LAMP2: variants seen among roughly 807,000 people sequenced by gnomAD.
LAMP2 encodes the protein lysosome associated membrane protein 2, also known as lysosome-associated membrane glycoprotein 2.
LAMP2 carries 4 observed loss-of-function variants against 25.6 expected under a neutral mutation model. The observed-to-expected ratio is 0.16, with a 90% CI of 0.08 to 0.36. LAMP2 has a LOEUF of 0.36. Among genes scored for constraint, LAMP2 ranks in the 10% least tolerant of loss-of-function variants. The pLI is 1.00. For synonymous variants in LAMP2, 108 were observed against 112.7 expected (o/e 0.96, Z 0.27); for missense variants, 272 against 301.4 (o/e 0.90, Z 0.72).
At chrX:120,441,479 C>T (rs2058571719) in intron 8 of LAMP2, among the ~76,000 whole-genome samples, 2 of 112,212 alleles carry the variant, frequency 1.8e-5, no homozygotes, top group South Asian at 7.4e-4. Flanking sequence ...AACTAAAACC[C>T]ATACCTCAAA....
chrX:120,465,319 AAAAC>A lies in LAMP2; in HGVS notation c.64+3783_64+3786del, dbSNP rs55863724. Reference sequence around the variant, plus strand: ...AAAAAAAAAAATTCTGAACCCTAAAAAAACAAACAAACAAACCAAAAAACAGAAG... The same window carrying A: ...AAAAAAAAAAATTCTGAACCCTAAAAAAACAAACAAACCAAAAAACAGAAG... On this transcript the variant is annotated intron_variant, in intron 1 of 8. Coordinates refer to ENST00000200639, the MANE Select transcript of LAMP2 (RefSeq NM_002294.3). 7.7e-3 allele frequency among the ~76,000 whole-genome samples: 826 copies of A among 107,381 alleles called. 9 individuals are homozygous for A. Among genetic ancestry groups the A allele is most frequent in the African/African-American group, 0.026 (761 of 29,484 alleles). 93.2% of individuals were successfully genotyped at this position (107,381 alleles called of 115,157 possible). A position where few individuals can be genotyped will look rare whatever the true frequency, so the allele number is the denominator to read the frequency against.
intron 2 of LAMP2, among the ~76,000 whole-genome samples, chrX:120,456,208 GT>G (rs768302957): frequency 1.2e-3 from 132 of 108,172 alleles, no homozygotes; most frequent in African/African-American, 4.0e-3. Flanking sequence ...AATTTTTAAA[GT>G]TTTTTTGTAG....
intron 8 of LAMP2, among the ~76,000 whole-genome samples, chrX:120,441,377 C>T (rs923813238): frequency 8.9e-5 from 10 of 112,032 alleles, no homozygotes; most frequent in African/African-American, 3.2e-4. Context: ...TGCTTTCATT[C>T]AGGTATGAAA....
chrX:120,437,128 C>T (rs1338951859), intron 8 of LAMP2: 1 of 746,165 alleles, frequency 1.3e-6, no homozygotes, highest in Non-Finnish European at 1.6e-6. Context: ...GGTAATGCAG[C>T]TCGCTGTAGC....
Position 120,429,453 on chromosome X carries a change from T to A in LAMP2, c.*1870A>T. ...TATTTGAGGATTAAATACAATTACA[T>A]TTCTAAAGCATCTGATACACATCAA... On this transcript the variant is annotated 3_prime_UTR_variant, in exon 9 of 9. Coordinates refer to ENST00000200639, the MANE Select transcript of LAMP2 (RefSeq NM_002294.3). The A allele has an allele frequency of 1.6e-6, 1 of 607,699 alleles. No individual in the cohort carries two copies. Among genetic ancestry groups the A allele is most frequent in the Non-Finnish European group, 2.0e-6 (1 of 505,892 alleles). The allele number at this position is 607,699 out of a possible 1,213,427, so 50.1% of individuals were successfully genotyped here.
chrX:120,462,377 C>A (rs1254077415), intron 1 of LAMP2, among the ~76,000 whole-genome samples: 1 of 109,309 alleles, frequency 9.1e-6, no homozygotes, highest in East Asian at 2.9e-4. Context: ...AAAAGAATAG[C>A]TGGGTGTGAT....
intron 3 of LAMP2, among the ~76,000 whole-genome samples, chrX:120,451,595 G>A (rs923786275): frequency 3.6e-5 from 4 of 111,074 alleles, no homozygotes; most frequent in African/African-American, 1.3e-4. Flanking sequence ...CTCCTGAGTA[G>A]CTGGGATTAC....
intron 8 of LAMP2, chrX:120,438,881 T>G (rs2058558915): frequency 1.1e-6 from 1 of 877,945 alleles, no homozygotes; most frequent in African/African-American, 2.1e-5. Flanking sequence ...AACACTGAAA[T>G]ACTAATTCAA....
chrX:120,469,324 T>G (rs1921681198), upstream of LAMP2: 1 of 519,086 alleles, frequency 1.9e-6, no homozygotes, highest in East Asian at 3.7e-5. Context: ...GTGCGAGTCA[T>G]AAGACTAGGG....
intron 3 of LAMP2, among the ~76,000 whole-genome samples, chrX:120,451,799 C>A (rs1179218526): frequency 6.3e-5 from 7 of 111,892 alleles, no homozygotes; most frequent in African/African-American, 2.3e-4. Context: ...TGAACTATAT[C>A]AAAAACAATT....
At chrX:120,433,886 GC>G (rs1170659574) in intron 8 of LAMP2, among the ~76,000 whole-genome samples, 1 of 111,718 alleles carries the variant, frequency 9.0e-6, no homozygotes, top group Non-Finnish European at 1.9e-5. Flanking sequence ...TTTCCCCGCC[GC>G]CCCCACTAGC....
chrX:120,442,699 A>C, intron 6 of LAMP2, 37 bp from the exon 7 acceptor site: 1 of 1,010,357 alleles, frequency 9.9e-7, no homozygotes, highest in Non-Finnish European at 1.4e-6. Context: ...TTAACATTTC[A>C]CAACTGTCTA....
intron 8 of LAMP2, among the ~76,000 whole-genome samples, chrX:120,432,059 T>C (rs2058525274): frequency 9.1e-6 from 1 of 110,373 alleles, no homozygotes; most frequent in South Asian, 3.8e-4. Context: ...GTGGTAGGAG[T>C]AGGCAACACA....
chrX:120,447,640 G>A (rs2058602977), intron 5 of LAMP2, among the ~76,000 whole-genome samples: 1 of 110,812 alleles, frequency 9.0e-6, no homozygotes. Context: ...AACCCGGGAG[G>A]CGGAGTTTGC....
intron 8 of LAMP2, chrX:120,437,742 A>C (rs2058551715): frequency 1.1e-5 from 8 of 747,865 alleles, no homozygotes; most frequent in Non-Finnish European, 1.3e-5. Flanking sequence ...GTGAAAGCCA[A>C]ATTAGTGATG....
rs1031625569 is a variant in LAMP2, at chrX:120,429,834, T to G, written c.*1489A>C. 1.3e-6 allele frequency: 1 copy of G among 751,516 alleles called. No homozygotes were observed. The highest frequency in any genetic ancestry group is 1.6e-6 in the Non-Finnish European group (1 of 637,979). The allele number at this position is 751,516 out of a possible 1,213,427, so 61.9% of individuals were successfully genotyped here. The stretch of plus-strand genomic sequence containing the variant: ...CCCTTTCTGTAAATAATCGTTAAGG[T>G]CCTTTCCAGTAATAGCTAATGAAAT... On this transcript the variant is annotated 3_prime_UTR_variant, in exon 9 of 9. Coordinates refer to ENST00000200639, the MANE Select transcript of LAMP2 (RefSeq NM_002294.3).
intron 8 of LAMP2, chrX:120,439,172 A>C: frequency 1.7e-6 from 2 of 1,210,990 alleles, no homozygotes; most frequent in Non-Finnish European, 2.2e-6. Flanking sequence ...TCTGATATCC[A>C]GCATAACTTT....
chrX:120,461,630 G>A (rs759255953), intron 1 of LAMP2, among the ~76,000 whole-genome samples: 9 of 111,946 alleles, frequency 8.0e-5, no homozygotes, highest in Non-Finnish European at 1.7e-4. Flanking sequence ...CTAGCAGTGT[G>A]TCTTTTATAT....
Position 120,430,294 on chromosome X carries a change from ACCC to A in LAMP2, c.*1026_*1028del, listed in dbSNP as rs999554973. On this transcript the variant is annotated 3_prime_UTR_variant, in exon 9 of 9. Transcript: ENST00000200639. ...TTTAATGCCAACAGCTTCTCTTTACACCCCCATCTATGCACTGCCCCACAGGGG... is the reference window on the plus strand; with the variant it reads ...TTTAATGCCAACAGCTTCTCTTTACACCATCTATGCACTGCCCCACAGGGG... 28 of 752,862 alleles carry A rather than the reference ACCC, an allele frequency of 3.7e-5. No individual in the cohort carries two copies. In the Admixed American group the frequency reaches 1.8e-3, roughly 49 times the overall value. The allele number at this position is 752,862 out of a possible 1,213,427, so 62.0% of individuals were successfully genotyped here.
Sources: allele counts gnomAD v4.1 joint callset (sites outside exome capture counted in the v4.1 genomes callset), GRCh38; gene constraint gnomAD v4.1.1; transcripts MANE v1.5; gene names NCBI Gene and HGNC (gene_info 2026-07-23, HGNC 2026-07-21).